The following EML5 variants were observed in gnomAD, a reference collection of about 807,000 sequenced individuals.
The protein encoded by EML5 is EMAP like 5, also known as echinoderm microtubule-associated protein-like 5.
In EML5, 120 loss-of-function variants were observed where a neutral mutation model predicts 250.0. That is an observed-to-expected ratio of 0.48 (90% CI 0.41 to 0.56). The LOEUF (loss-of-function observed/expected upper bound fraction) is 0.56, where lower values mean the gene tolerates loss of function less well. Ranked by LOEUF, EML5 falls within the 20% of genes least tolerant of loss-of-function variation. The pLI is 0.00. For missense variants in EML5, 2,006 were observed against 2,437.6 expected, an observed-to-expected ratio of 0.82 and a Z score of 3.73; for synonymous variants, 771 against 806.5, an observed-to-expected ratio of 0.96 and a Z score of 0.75.
intron 4 of EML5, 95 bp from the exon 5 acceptor site, chr14:88,740,667 C>A: frequency 9.1e-7 from 1 of 1,104,316 alleles, no homozygotes; most frequent in Non-Finnish European, 1.3e-6. Flanking sequence ...GAGCAGTGAG[C>A]TAAAAATTAA....
intron 1 of EML5, among the ~76,000 whole-genome samples, chr14:88,777,620 TAAC>T (rs1313465843): frequency 6.6e-6 from 1 of 152,126 alleles, no homozygotes; most frequent in African/African-American, 2.4e-5. Context: ...ATAAAAATAA[TAAC>T]TACAACAACT....
chr14:88,753,590 A>C (rs1424856669), intron 2 of EML5, among the ~76,000 whole-genome samples: 1 of 152,186 alleles, frequency 6.6e-6, no homozygotes, highest in Non-Finnish European at 1.5e-5. Context: ...CCAACTTTTT[A>C]CTGGTAACTT....
At chr14:88,647,687 CAAAAA>C (rs34191990) in intron 28 of EML5, among the ~76,000 whole-genome samples, 1 of 48,754 alleles carries the variant, frequency 2.1e-5, no homozygotes, top group African/African-American at 7.4e-5. Flanking sequence ...GAGACCGTCT[CAAAAA>C]AAAAAAAAAA....
intron 11 of EML5, 141 bp downstream of exon 11, chr14:88,706,118 T>A (rs1374528473): frequency 1.3e-6 from 1 of 772,802 alleles, no homozygotes; most frequent in Non-Finnish European, 2.0e-6. Context: ...AGAACTAATA[T>A]TTTAACTTGA....
intron 14 of EML5, among the ~76,000 whole-genome samples, chr14:88,702,198 G>T (rs1400397605): frequency 6.6e-6 from 1 of 151,652 alleles, no homozygotes; most frequent in Admixed American, 6.6e-5. Flanking sequence ...TATCATGACA[G>T]AAATAAAACA....
chr14:88,765,892 G>A (rs868636132), intron 1 of EML5, among the ~76,000 whole-genome samples: 12 of 152,174 alleles, frequency 7.9e-5, no homozygotes, highest in South Asian at 2.1e-4. Flanking sequence ...CAGGGACCCC[G>A]AACGGAGGGA....
chr14:88,702,564 G>A lies in EML5; in HGVS notation c.2120C>T (p.Ala707Val). 6.2e-7 allele frequency: 1 copy of A among 1,612,708 alleles called. No homozygotes were observed. Among genetic ancestry groups the A allele is most frequent in the Non-Finnish European group, 8.5e-7 (1 of 1,179,310 alleles). ...TCGATTATAAATGACACCCACTGCT[G>A]CCACATGGTACACAATTTCACCAAT... ...TQIGEIVYHV[A>V]AVGVIYNRQQ... Residue 707 changes from alanine to valine, a missense_variant, in exon 14 of 44, where the codon GCA (alanine) becomes GTA (valine). Transcript: ENST00000554922.
At chr14:88,784,367 T>TA (rs2094529094) in intron 1 of EML5, among the ~76,000 whole-genome samples, 2 of 149,864 alleles carry the variant, frequency 1.3e-5, no homozygotes, top group East Asian at 1.9e-4. Flanking sequence ...TGTTTTTTTT[T>TA]AAAAAGTTAA....
At chr14:88,753,122 A>G (rs2140365622) in intron 2 of EML5, among the ~76,000 whole-genome samples, 1 of 152,282 alleles carries the variant, frequency 6.6e-6, no homozygotes, top group African/African-American at 2.4e-5. Flanking sequence ...TTTGTAACAC[A>G]CACCCTCTGG....
chr14:88,729,740 T>C (rs1320870495), intron 7 of EML5, among the ~76,000 whole-genome samples: 2 of 152,132 alleles, frequency 1.3e-5, no homozygotes, highest in African/African-American at 4.8e-5. Context: ...TTTGTATTTT[T>C]AGTAGAGACA....
intron 14 of EML5, among the ~76,000 whole-genome samples, chr14:88,699,946 A>G (rs1379294808): frequency 6.6e-6 from 1 of 152,256 alleles, no homozygotes; most frequent in African/African-American, 2.4e-5. Context: ...TTAGTGAATT[A>G]TATCTATATA....
At chr14:88,618,098 C>G (rs1238491134) in intron 41 of EML5, 130 bp downstream of exon 41, 2 of 628,852 alleles carry the variant, frequency 3.2e-6, no homozygotes, top group East Asian at 5.6e-5. Flanking sequence ...CATACCATTT[C>G]AAAATATGGT....
intron 1 of EML5, among the ~76,000 whole-genome samples, chr14:88,756,448 C>T (rs761456705): frequency 3.3e-5 from 5 of 152,034 alleles, no homozygotes; most frequent in Non-Finnish European, 7.4e-5. Flanking sequence ...AGGGAAAAAA[C>T]AAGGATGTCA....
intron 29 of EML5, 43 bp downstream of exon 29, chr14:88,646,900 CAAAA>C (rs753120623): frequency 2.3e-5 from 36 of 1,572,226 alleles, no homozygotes; most frequent in Non-Finnish European, 3.0e-5. Context: ...TGGAAGATGA[CAAAA>C]ATACAAAGTT....
chr14:88,761,218 ATTCT>A (rs770327612), intron 1 of EML5, among the ~76,000 whole-genome samples: 2 of 152,034 alleles, frequency 1.3e-5, no homozygotes, highest in South Asian at 2.1e-4. Context: ...AATTATTATT[ATTCT>A]TTAAGTTCTG....
chr14:88,698,998 A>T (rs1297396972), intron 14 of EML5, among the ~76,000 whole-genome samples: 2 of 152,212 alleles, frequency 1.3e-5, no homozygotes, highest in African/African-American at 2.4e-5. Context: ...GTAGCGAATA[A>T]GTGGAAAGGC....
chr14:88,628,644 A>C (rs2140439615), intron 33 of EML5, among the ~76,000 whole-genome samples: 1 of 152,194 alleles, frequency 6.6e-6, no homozygotes, highest in East Asian at 1.9e-4. Context: ...TCAAATTATA[A>C]ATGTTATAAA....
At position 88,620,780 on chromosome 14, in the gene EML5, G is replaced by A; in HGVS notation, c.5349C>T (p.Asp1783=). Reference sequence around the variant, plus strand: ...TGATATCATGGATTGCACATCTCCTGTCTCTCTTCTTTCCCCATATTTTTA... The same window carrying A: ...TGATATCATGGATTGCACATCTCCTATCTCTCTTCTTTCCCCATATTTTTA... ...SSLKIWGKKR[D]RRCAIHDIRF... The change falls in exon 39 of 44, where the codon GAC becomes GAT. Residue 1783 remains aspartate, a synonymous_variant. Transcript: ENST00000554922. This position sits in a 1 kb window ranked among gnomAD's most constrained non-coding sequence, Gnocchi z 4.3. 1.2e-6 allele frequency: 2 copies of A among 1,604,314 alleles called. No individual in the cohort carries two copies. The highest frequency in any genetic ancestry group is 2.2e-5 in the East Asian group (1 of 44,740).
In EML5 at chr14:88,614,000, C is replaced by CT. The variant is rs1417801371; in HGVS notation, c.*1817dup. The CT allele has an allele frequency of 6.6e-6, 1 of 152,102 alleles. No homozygotes were observed. Among genetic ancestry groups the CT allele is most frequent in the Non-Finnish European group, 1.5e-5 (1 of 68,006 alleles). 9.4% of individuals were successfully genotyped at this position (152,102 alleles called of 1,614,324 possible). ...AAGGCTGACTTAATCAGGTTGGCCA[C>CT]TTTGAAGGACAGAAATGCAGTGGAA... On this transcript the variant is annotated 3_prime_UTR_variant, in exon 44 of 44. Coordinates refer to ENST00000554922, the MANE Select transcript of EML5 (RefSeq NM_183387.3).
Sources: gnomAD v4.1 joint callset for allele counts (sites outside exome capture counted in the v4.1 genomes callset) on GRCh38, gnomAD v4.1.1 for gene constraint, Gnocchi (gnomAD v3.1) non-coding constraint, MANE v1.5 for transcripts, NCBI Gene and HGNC (gene_info 2026-07-23, HGNC 2026-07-21) for gene names.